Variants in UPF2 observed in about 807,000 individuals in gnomAD.
The protein encoded by UPF2 is regulator of nonsense transcripts 2.
Under a neutral mutation model 141.4 loss-of-function variants are expected in UPF2, and 17 were observed. That is an observed-to-expected ratio of 0.12 (90% CI 0.08 to 0.18). The LOEUF (loss-of-function observed/expected upper bound fraction) is 0.18. Among genes scored for constraint, UPF2 ranks in the 10% least tolerant of loss-of-function variants. UPF2 has a pLI of 1.00. For synonymous variants in UPF2, 540 were observed against 498.0 expected (o/e 1.08, Z -1.12); for missense variants, 1,152 against 1,515.9 (o/e 0.76, Z 3.99).
intron 14 of UPF2, among the ~76,000 whole-genome samples, chr10:11,954,478 A>G (rs1833117231): frequency 6.6e-6 from 1 of 151,676 alleles, no homozygotes; most frequent in African/African-American, 2.4e-5. Context: ...TACCAAAAAT[A>G]CAAAAATTAG....
At chr10:11,978,015 G>C (rs961349651) in intron 9 of UPF2, among the ~76,000 whole-genome samples, 3 of 152,150 alleles carry the variant, frequency 2.0e-5, no homozygotes, top group Non-Finnish European at 2.9e-5. Flanking sequence ...TCCTCTGCAA[G>C]AGACTCTCTC....
chr10:11,978,163 C>G (rs866693322), intron 9 of UPF2, among the ~76,000 whole-genome samples: 5 of 152,186 alleles, frequency 3.3e-5, no homozygotes, highest in Non-Finnish European at 5.9e-5. Flanking sequence ...TTCCTGACCT[C>G]AGAATTGTGT....
intron 4 of UPF2, among the ~76,000 whole-genome samples, chr10:12,007,316 C>T (rs1302250439): frequency 1.3e-5 from 2 of 151,932 alleles, no homozygotes; most frequent in Non-Finnish European, 2.9e-5. Flanking sequence ...AGAGTGGTTA[C>T]CTTGGAGAAT....
chr10:11,988,617 G>A (rs973285170), intron 8 of UPF2, among the ~76,000 whole-genome samples: 2 of 152,170 alleles, frequency 1.3e-5, no homozygotes, highest in African/African-American at 4.8e-5. Context: ...AGGAGGACGA[G>A]AATCTGACTG....
At chr10:11,970,901 A>ATT (rs1468645671) in intron 9 of UPF2, among the ~76,000 whole-genome samples, 1 of 151,982 alleles carries the variant, frequency 6.6e-6, no homozygotes, top group Non-Finnish European at 1.5e-5. Context: ...ATATATATAT[A>ATT]TTTTTAAATC....
chr10:11,964,175 G>T (rs1276083124), intron 10 of UPF2, 50 bp from the exon 11 acceptor site: 1 of 1,372,070 alleles, frequency 7.3e-7, no homozygotes, highest in Admixed American at 1.9e-5. Context: ...TTCAATCCTA[G>T]TAGAGAAGAA....
chr10:11,927,260 T>A (rs1366221780), intron 21 of UPF2, among the ~76,000 whole-genome samples: 1 of 152,180 alleles, frequency 6.6e-6, no homozygotes, highest in East Asian at 1.9e-4. Flanking sequence ...TTGCGATACA[T>A]GAATTGTGAG....
At chr10:11,981,727 CTGGAG>C (rs1372210087) in intron 8 of UPF2, among the ~76,000 whole-genome samples, 1 of 151,932 alleles carries the variant, frequency 6.6e-6, no homozygotes, top group African/African-American at 2.4e-5. Context: ...GTCGCCCAGG[CTGGAG>C]TGGAGTGCAG....
intron 10 of UPF2, among the ~76,000 whole-genome samples, chr10:11,964,496 T>A (rs1199133573): frequency 6.6e-6 from 1 of 152,220 alleles, no homozygotes; most frequent in Non-Finnish European, 1.5e-5. Flanking sequence ...GCTCATTATA[T>A]GAATTATAGA....
chr10:11,983,528 A>G (rs770237561), intron 8 of UPF2, among the ~76,000 whole-genome samples: 3 of 152,092 alleles, frequency 2.0e-5, no homozygotes, highest in Non-Finnish European at 4.4e-5. Context: ...GCGTGCTATC[A>G]TGCCCAGCTA....
At chr10:12,007,826 G>A (rs534633869) in intron 4 of UPF2, among the ~76,000 whole-genome samples, 23 of 113,944 alleles carry the variant, frequency 2.0e-4, no homozygotes, top group South Asian at 1.3e-3. Flanking sequence ...GCAAGGCGCC[G>A]TCTCAAAGTA....
Position 12,020,454 on chromosome 10 carries a change from T to C in UPF2, c.1146-6270A>G, listed in dbSNP as rs371469275. On this transcript the variant is annotated intron_variant, in intron 3 of 21. Transcript: ENST00000357604. ...TTAGTAGAGACAGCGTTTCTCCATA[T>C]TGGTCAGGCTGGTCTCGAATTCCCA... 9.8e-5 allele frequency among the ~76,000 whole-genome samples: 15 copies of C among 152,310 alleles called. No homozygotes were observed. In the East Asian group the frequency reaches 2.1e-3, roughly 22 times the overall value.
In UPF2 at chr10:11,965,706, G is replaced by A. The variant is rs926475831; in HGVS notation, c.2068-1581C>T. On this transcript the variant is annotated intron_variant, in intron 10 of 21. Transcript: ENST00000357604. ...GATCTCCTGACCTCATGATCTGCCC[G>A]CCTCGGCCTCCCAAAGTGCTGGGAT... Among the ~76,000 whole-genome samples, 22 of 152,138 alleles carry A rather than the reference G, an allele frequency of 1.4e-4. 1 individual carries two copies. The highest frequency in any genetic ancestry group is 1.2e-3 in the Admixed American group (18 of 15,284).
intron 9 of UPF2, among the ~76,000 whole-genome samples, chr10:11,975,887 T>G (rs1023526355): frequency 6.6e-6 from 1 of 152,168 alleles, no homozygotes; most frequent in Non-Finnish European, 1.5e-5. Context: ...AGATGACCAT[T>G]TTATTAATCC....
intron 11 of UPF2, among the ~76,000 whole-genome samples, chr10:11,960,879 G>A (rs540684901): frequency 3.3e-5 from 5 of 151,992 alleles, no homozygotes; most frequent in Non-Finnish European, 7.4e-5. Flanking sequence ...ATCACTTGAG[G>A]CCGGGAGTTC....
chr10:11,960,630 T>C (rs1312873759), intron 11 of UPF2, among the ~76,000 whole-genome samples: 2 of 151,658 alleles, frequency 1.3e-5, no homozygotes, highest in African/African-American at 4.8e-5. Context: ...CACGGTAGTA[T>C]GCGCTGTCAT....
rs1038556253 is a variant in UPF2 at position 12,001,811 on chromosome 10, T to C, written c.1519A>G (p.Lys507Glu). ...KDDTKEAKES[K>E]ENKEVSSPDD... Reference sequence around the variant, plus strand: ...GGACTTGATACCTCCTTATTCTCCTTAGATTCTTTTGCCTCTGTTGAAAAA... The same window carrying C: ...GGACTTGATACCTCCTTATTCTCCTCAGATTCTTTTGCCTCTGTTGAAAAA... Residue 507 changes from lysine (K) to glutamate (E), a missense_variant, in exon 6 of 22, where the codon AAG becomes GAG. Lys to Glu is a moderately conservative substitution (Grantham distance 56). This residue lies in a region of UPF2 where 739 missense variants were observed against 1,032.2 expected (regional missense o/e 0.72). Transcript: ENST00000357604. 5.0e-6 allele frequency: 8 copies of C among 1,595,380 alleles called. No homozygotes were observed. Among genetic ancestry groups the C allele is most frequent in the Non-Finnish European group, 6.0e-6 (7 of 1,173,734 alleles).
At chr10:12,018,370 C>G (rs898926024) in intron 3 of UPF2, among the ~76,000 whole-genome samples, 5 of 152,072 alleles carry the variant, frequency 3.3e-5, no homozygotes, top group Admixed American at 2.0e-4. Context: ...ACCACAAAGT[C>G]AGGAGTTCAA....
At chr10:11,984,831 G>A (rs889279885) in intron 8 of UPF2, among the ~76,000 whole-genome samples, 1 of 151,998 alleles carries the variant, frequency 6.6e-6, no homozygotes, top group African/African-American at 2.4e-5. Flanking sequence ...TCCTGCCTCA[G>A]CCTCCCGAGC....
Sources: allele counts gnomAD v4.1 joint callset (sites outside exome capture counted in the v4.1 genomes callset), GRCh38; gene constraint gnomAD v4.1.1; regional missense constraint gnomAD v4.1.1; transcripts MANE v1.5; gene names NCBI Gene and HGNC (gene_info 2026-07-23, HGNC 2026-07-21).